SRGAP1: variants seen among roughly 807,000 people sequenced by gnomAD.
SRGAP1 encodes the protein SLIT-ROBO Rho GTPase activating protein 1.
Under a neutral mutation model 121.9 loss-of-function variants are expected in SRGAP1, and 43 were observed. The observed-to-expected ratio is 0.35, with a 90% CI of 0.28 to 0.46. SRGAP1 has a LOEUF of 0.46. SRGAP1 is among the 20% of genes least tolerant of loss of function. The pLI is 1.00. For synonymous variants in SRGAP1, 447 were observed against 485.4 expected (o/e 0.92, Z 1.04); for missense variants, 1,102 against 1,350.9 (o/e 0.82, Z 2.89).
chr12:64,031,553 C>T (rs1017397760), intron 4 of SRGAP1, among the ~76,000 whole-genome samples: 1 of 152,066 alleles, frequency 6.6e-6, no homozygotes, highest in African/African-American at 2.4e-5. Flanking sequence ...ACAGTCTCTG[C>T]ATGGGAGACT....
At chr12:63,891,691 GA>G (rs1900585469) in intron 1 of SRGAP1, among the ~76,000 whole-genome samples, 1 of 151,930 alleles carries the variant, frequency 6.6e-6, no homozygotes, top group Non-Finnish European at 1.5e-5. Context: ...TGTCCCCCTT[GA>G]AAAAAATTAT....
In SRGAP1 at chr12:64,101,308, G is replaced by GGTGTGTGTGTGTGT. The variant is rs59020353; in HGVS notation, c.1813+3963_1813+3976dup. Among the ~76,000 whole-genome samples, 414 of 138,092 alleles carry GGTGTGTGTGTGTGT rather than the reference G, an allele frequency of 3.0e-3. 2 individuals carry two copies. Among genetic ancestry groups the GGTGTGTGTGTGTGT allele is most frequent in the Non-Finnish European group, 4.5e-3 (288 of 63,708 alleles). 90.6% of individuals were successfully genotyped at this position (138,092 alleles called of 152,430 possible). On this transcript the variant is annotated intron_variant, in intron 15 of 21. Transcript: ENST00000355086. ...TATTTTTGGATTGTTTGGGGAAAGG[G>GGTGTGTGTGTGTGT]GTGTGTGTGTGTGTGTGTGTGTGTG...
chr12:63,998,743 C>A (rs1182839465), intron 3 of SRGAP1, among the ~76,000 whole-genome samples: 2 of 152,086 alleles, frequency 1.3e-5, no homozygotes, highest in Non-Finnish European at 2.9e-5. Context: ...TAAGACAATA[C>A]CAGGCAAGCA....
intron 1 of SRGAP1, among the ~76,000 whole-genome samples, chr12:63,876,034 A>C (rs896499047): frequency 6.6e-6 from 1 of 152,232 alleles, no homozygotes; most frequent in African/African-American, 2.4e-5. Context: ...GGAAATCCAG[A>C]GTAATGCATT....
At chr12:64,080,677 C>T in intron 10 of SRGAP1, 1 of 426,616 alleles carries the variant, frequency 2.3e-6, no homozygotes, top group Non-Finnish European at 4.4e-6. Flanking sequence ...AACACTGCCC[C>T]TCCCCTACCT....
In SRGAP1 at chr12:64,082,087, A is replaced by G. The variant is rs932863143; in HGVS notation, c.1408+1717A>G. Among the ~76,000 whole-genome samples, 7 of 147,992 alleles carry G rather than the reference A, an allele frequency of 4.7e-5. No individual in the cohort carries two copies. In the East Asian group the frequency reaches 1.0e-3, roughly 22 times the overall value. On this transcript the variant is annotated intron_variant, in intron 10 of 21. Transcript: ENST00000355086. The stretch of plus-strand genomic sequence containing the variant: ...CAAGGTCAGTTGCCAGGCCCAAAGC[A>G]TAAATTATCCTAAGTGTAGATGAAC...
chr12:64,138,660 A>G (rs60124161), intron 21 of SRGAP1, among the ~76,000 whole-genome samples: 3,220 of 151,700 alleles, frequency 0.021, 134 homozygotes, highest in African/African-American at 0.074. Context: ...GAAAAAATAT[A>G]TATAAATCTC....
At chr12:63,932,927 C>T (rs988478022) in intron 1 of SRGAP1, among the ~76,000 whole-genome samples, 9 of 152,190 alleles carry the variant, frequency 5.9e-5, no homozygotes, top group South Asian at 2.1e-4. Context: ...CAGTGGCTCA[C>T]GCCTTTAATC....
At chr12:64,052,737 TTTG>T (rs147277639) in intron 6 of SRGAP1, among the ~76,000 whole-genome samples, 1,568 of 152,286 alleles carry the variant, frequency 0.01, 23 homozygotes, top group African/African-American at 0.035. Context: ...GATTTATCTT[TTTG>T]TTCTTTGTTT....
intron 1 of SRGAP1, among the ~76,000 whole-genome samples, chr12:63,973,308 T>G (rs1464097992): frequency 6.6e-6 from 1 of 152,222 alleles, no homozygotes; most frequent in Non-Finnish European, 1.5e-5. Flanking sequence ...CACTTTAGCT[T>G]GCTTTGCATA....
At chr12:64,108,112 G>T (rs2036375112) in intron 15 of SRGAP1, among the ~76,000 whole-genome samples, 2 of 152,200 alleles carry the variant, frequency 1.3e-5, no homozygotes. Flanking sequence ...TTTTAACTTA[G>T]ATAGCAAGTG....
chr12:64,136,315 T>TA (rs1455588676), intron 21 of SRGAP1, among the ~76,000 whole-genome samples: 1 of 152,154 alleles, frequency 6.6e-6, no homozygotes, highest in African/African-American at 2.4e-5. Context: ...TGCAGTGAGT[T>TA]ATGATTGTCT....
At chr12:64,121,966 G>A (rs1203823251) in intron 18 of SRGAP1, among the ~76,000 whole-genome samples, 1 of 152,116 alleles carries the variant, frequency 6.6e-6, no homozygotes, top group East Asian at 1.9e-4. Context: ...TTTTTTCTCT[G>A]TCATGGATCA....
At chr12:64,139,948 C>G (rs1194418463) in intron 21 of SRGAP1, among the ~76,000 whole-genome samples, 1 of 151,666 alleles carries the variant, frequency 6.6e-6, no homozygotes, top group African/African-American at 2.4e-5. Context: ...CCAGTTTCAG[C>G]TTTCTCCATA....
chr12:64,058,181 T>C (rs2035378350), intron 6 of SRGAP1, among the ~76,000 whole-genome samples: 1 of 152,170 alleles, frequency 6.6e-6, no homozygotes, highest in Non-Finnish European at 1.5e-5. Context: ...CTGGTTCAAC[T>C]TACAGTTTTT....
rs75075160 is a variant in SRGAP1 at position 63,902,632 on chromosome 12, A to T, written c.67+57749A>T. ...AATCCATTTTAATATGTGCAAGTGG[A>T]ACAGTTGCTTATTTTTCTATTTCCT... On this transcript the variant is annotated intron_variant, in intron 1 of 21. Transcript: ENST00000355086. Among the ~76,000 whole-genome samples, 953 of 152,316 alleles carry T rather than the reference A, an allele frequency of 6.3e-3. 3 individuals carry two copies. Among genetic ancestry groups the T allele is most frequent in the Middle Eastern group, 0.017 (5 of 294 alleles).
intron 3 of SRGAP1, among the ~76,000 whole-genome samples, chr12:64,008,445 AGGTG>A (rs2034153028): frequency 6.6e-6 from 1 of 152,238 alleles, no homozygotes; most frequent in East Asian, 1.9e-4. Flanking sequence ...TGTAGTTCTG[AGGTG>A]GTGCTATTCA....
intron 1 of SRGAP1, among the ~76,000 whole-genome samples, chr12:63,892,415 T>C (rs1293194068): frequency 1.3e-5 from 2 of 152,228 alleles, no homozygotes; most frequent in East Asian, 3.8e-4. Flanking sequence ...TCTAGACAAA[T>C]GCCTTCTATG....
intron 17 of SRGAP1, among the ~76,000 whole-genome samples, chr12:64,113,697 C>G (rs1592333994): frequency 6.6e-6 from 1 of 152,170 alleles, no homozygotes; most frequent in East Asian, 1.9e-4. Flanking sequence ...CCTATTATAT[C>G]TCAGCTGCTT....
Sources: gnomAD v4.1 joint callset for allele counts (sites outside exome capture counted in the v4.1 genomes callset) on GRCh38, gnomAD v4.1.1 for gene constraint, MANE v1.5 for transcripts, NCBI Gene and HGNC (gene_info 2026-07-23, HGNC 2026-07-21) for gene names.